Variants in TMPRSS11F observed in about 807,000 individuals in gnomAD.
The protein encoded by TMPRSS11F is transmembrane protease serine 11F.
In TMPRSS11F, 47 loss-of-function variants were observed where a neutral mutation model predicts 60.2. That is an observed-to-expected ratio of 0.78 (90% CI 0.62 to 1.00). The LOEUF (loss-of-function observed/expected upper bound fraction) is 1.00, where lower values mean the gene tolerates loss of function less well. Ranked by LOEUF, TMPRSS11F falls within the 50% of genes least tolerant of loss-of-function variation. The pLI is 0.00. For synonymous variants in TMPRSS11F, 166 were observed against 167.3 expected (o/e 0.99, Z 0.06); for missense variants, 519 against 522.9 (o/e 0.99, Z 0.07).
chr4:68,126,173 G>A (rs1194397560), intron 1 of TMPRSS11F, among the ~76,000 whole-genome samples: 1 of 152,024 alleles, frequency 6.6e-6, no homozygotes, highest in Admixed American at 6.5e-5. Flanking sequence ...ATATATGTGT[G>A]TATGTGTGTA....
At chr4:68,083,342 G>A (rs1723744965) in intron 3 of TMPRSS11F, among the ~76,000 whole-genome samples, 1 of 152,150 alleles carries the variant, frequency 6.6e-6, no homozygotes, top group Non-Finnish European at 1.5e-5. Context: ...AAGGCACAGG[G>A]ATGGACCTGG....
chr4:68,098,508 AT>A (rs558009421), intron 2 of TMPRSS11F, among the ~76,000 whole-genome samples: 3 of 152,082 alleles, frequency 2.0e-5, no homozygotes, highest in Non-Finnish European at 2.9e-5. Context: ...CTTTAAAGGT[AT>A]TTTTCAGATA....
chr4:68,098,877 G>A lies in TMPRSS11F; in HGVS notation c.163+10C>T. The A allele has an allele frequency of 1.9e-6, 3 of 1,606,252 alleles. No homozygotes were observed. The highest frequency in any genetic ancestry group is 1.7e-5 in the Admixed American group (1 of 58,972). On this transcript the variant is annotated intron_variant, in intron 2 of 9. Transcript: ENST00000356291. ...TACTTAGGCAATGGAACTGTGACCT[G>A]GATACTTACCCTCAACAACAAAATG...
intron 2 of TMPRSS11F, among the ~76,000 whole-genome samples, chr4:68,094,394 T>C: frequency 9.4e-6 from 1 of 106,580 alleles, no homozygotes; most frequent in South Asian, 3.5e-4. Flanking sequence ...CTCTGGGGAC[T>C]GTTGTGGGGT....
intron 1 of TMPRSS11F, among the ~76,000 whole-genome samples, chr4:68,109,778 G>T (rs1724376057): frequency 2.0e-5 from 3 of 152,120 alleles, no homozygotes; most frequent in Admixed American, 2.0e-4. Context: ...CCTCCATTGG[G>T]TTTATTTCTG....
intron 3 of TMPRSS11F, among the ~76,000 whole-genome samples, chr4:68,076,269 T>C (rs985627549): frequency 2.0e-5 from 3 of 152,172 alleles, no homozygotes; most frequent in African/African-American, 7.2e-5. Context: ...AGGCTGGTGA[T>C]AATTTTTCTG....
intron 1 of TMPRSS11F, among the ~76,000 whole-genome samples, chr4:68,118,186 A>G (rs1724562750): frequency 6.6e-6 from 1 of 152,198 alleles, no homozygotes; most frequent in Non-Finnish European, 1.5e-5. Flanking sequence ...TGATATTACT[A>G]TTATATTAAA....
chr4:68,065,000 A>T, intron 7 of TMPRSS11F, 56 bp from the exon 8 acceptor site: 1 of 1,510,474 alleles, frequency 6.6e-7, no homozygotes, highest in Non-Finnish European at 8.9e-7. Context: ...TGTAAAAAAG[A>T]CTGAGACTGT....
intron 3 of TMPRSS11F, 53 bp downstream of exon 3, chr4:68,090,470 A>T: frequency 6.6e-7 from 1 of 1,524,820 alleles, no homozygotes; most frequent in Non-Finnish European, 8.8e-7. Flanking sequence ...ACCCACATTC[A>T]AAGTGATGCA....
In TMPRSS11F at chr4:68,065,982, G is replaced by A. The variant is rs540261148; in HGVS notation, c.756-1038C>T. Among the ~76,000 whole-genome samples, 23 of 152,070 alleles carry A rather than the reference G, an allele frequency of 1.5e-4. No homozygotes were observed. In the East Asian group the frequency reaches 3.5e-3, roughly 23 times the overall value. The stretch of plus-strand genomic sequence containing the variant: ...AATACAAAAATTAGCTGGGTGTGGC[G>A]GTGTGTGCCTGTAGTACCAACTACT... On this transcript the variant is annotated intron_variant, in intron 7 of 9. Coordinates refer to ENST00000356291, the MANE Select transcript of TMPRSS11F (RefSeq NM_207407.2).
chr4:68,078,531 C>A (rs1723633154), intron 3 of TMPRSS11F, among the ~76,000 whole-genome samples: 1 of 152,110 alleles, frequency 6.6e-6, no homozygotes, highest in Non-Finnish European at 1.5e-5. Context: ...TTTATATATC[C>A]AATGTTCCAC....
intron 7 of TMPRSS11F, among the ~76,000 whole-genome samples, chr4:68,067,043 T>C (rs562451587): frequency 6.6e-6 from 1 of 152,340 alleles, no homozygotes; most frequent in Admixed American, 6.5e-5. Flanking sequence ...CATGAAATTA[T>C]TAATATATCA....
At chr4:68,078,110 C>A (rs903349498) in intron 3 of TMPRSS11F, among the ~76,000 whole-genome samples, 4 of 152,190 alleles carry the variant, frequency 2.6e-5, no homozygotes, top group African/African-American at 9.7e-5. Context: ...CTTTGGCAAC[C>A]CCCATCCCAC....
intron 1 of TMPRSS11F, among the ~76,000 whole-genome samples, chr4:68,116,333 T>TA (rs1724518228): frequency 6.6e-6 from 1 of 152,102 alleles, no homozygotes; most frequent in Non-Finnish European, 1.5e-5. Context: ...GAAATGAAGT[T>TA]AAACATTAAA....
At chr4:68,061,310 C>T (rs1381503133) in intron 8 of TMPRSS11F, among the ~76,000 whole-genome samples, 1 of 152,150 alleles carries the variant, frequency 6.6e-6, no homozygotes, top group Non-Finnish European at 1.5e-5. Flanking sequence ...GCAAATACAA[C>T]TTTCAAGCCG....
chr4:68,073,525 A>G (rs1723522118), intron 4 of TMPRSS11F, among the ~76,000 whole-genome samples: 1 of 152,224 alleles, frequency 6.6e-6, no homozygotes. Context: ...GAAAGACATG[A>G]AAAGCCATTT....
At chr4:68,064,006 AG>A (rs1723264187) in intron 8 of TMPRSS11F, among the ~76,000 whole-genome samples, 1 of 152,138 alleles carries the variant, frequency 6.6e-6, no homozygotes, top group Non-Finnish European at 1.5e-5. Flanking sequence ...ATTTATATCT[AG>A]GAAAGACAAA....
chr4:68,064,609 G>T (rs1723281243), intron 8 of TMPRSS11F, 76 bp downstream of exon 8: 5 of 1,479,048 alleles, frequency 3.4e-6, no homozygotes, highest in Non-Finnish European at 3.7e-6. Flanking sequence ...AAGCTTAAGA[G>T]GGATTCTTTA....
At chr4:68,104,959 G>T (rs1344742096) in intron 1 of TMPRSS11F, among the ~76,000 whole-genome samples, 1 of 139,960 alleles carries the variant, frequency 7.1e-6, no homozygotes, top group African/African-American at 2.6e-5. Flanking sequence ...TTGCTTGTAG[G>T]TTTTTTTTTT....
Sources: gnomAD v4.1 joint callset for allele counts (sites outside exome capture counted in the v4.1 genomes callset) on GRCh38, gnomAD v4.1.1 for gene constraint, MANE v1.5 for transcripts, NCBI Gene and HGNC (gene_info 2026-07-23, HGNC 2026-07-21) for gene names.